The following BMP8A variants were observed in gnomAD, a reference collection of about 807,000 sequenced individuals.
BMP8A encodes the protein bone morphogenetic protein 8a.
A neutral mutation model predicts 36.8 loss-of-function variants in BMP8A; 14 were observed. That is an observed-to-expected ratio of 0.38 (90% confidence interval 0.25 to 0.60). The LOEUF (loss-of-function observed/expected upper bound fraction) is 0.60, where lower values mean the gene tolerates loss of function less well. Ranked by LOEUF, BMP8A falls within the 20% of genes least tolerant of loss-of-function variation. BMP8A has a pLI of 0.63. For missense variants in BMP8A, 267 were observed against 551.1 expected (o/e 0.48, Z 5.16); for synonymous variants, 120 against 237.7 (o/e 0.50, Z 4.55).
chr1:39,525,814 C>T lies in BMP8A; in HGVS notation c.*16C>T. On this transcript the variant is annotated 3_prime_UTR_variant, in exon 7 of 7. Transcript: ENST00000331593. ...CTGCCACTGAGTCAGCCCGCCCAGC[C>T]CTACTGCAGCCACCCTTCTCATCTG... 3 of 1,613,448 alleles carry T rather than the reference C, an allele frequency of 1.9e-6. No individual in the cohort carries two copies. Among genetic ancestry groups the T allele is most frequent in the East Asian group, 2.2e-5 (1 of 44,888 alleles).
In BMP8A at chr1:39,524,240, G is replaced by A. The variant is rs184127733; in HGVS notation, c.1059+1123G>A. ...GTGGGAGGTACATGGGAAGGTGACT[G>A]CACCTGCAGCTCCTGGACTCCATCT... is the stretch of plus-strand genomic sequence containing the variant. On this transcript the variant is annotated intron_variant, in intron 6 of 6. Transcript: ENST00000331593. This position sits in a 1 kb window ranked among gnomAD's most constrained non-coding sequence, Gnocchi z 4.0. Among the ~76,000 whole-genome samples the A allele has an allele frequency of 1.8e-3, 277 of 152,298 alleles. 2 individuals are homozygous for A. Among genetic ancestry groups the A allele is most frequent in the South Asian group, 6.0e-3 (29 of 4,820 alleles).
At chr1:39,492,366 G>A in intron 1 of BMP8A, 41 bp downstream of exon 1, 1 of 1,480,910 alleles carries the variant, frequency 6.8e-7, no homozygotes, top group South Asian at 1.3e-5. Context: ...GGAGTAAGCT[G>A]GCTGCAGGGG....
At chr1:39,502,160 C>A (rs1156895010) in intron 1 of BMP8A, among the ~76,000 whole-genome samples, 1 of 151,214 alleles carries the variant, frequency 6.6e-6, no homozygotes, top group Non-Finnish European at 1.5e-5. Flanking sequence ...ATCGCTTGAA[C>A]CCAGGCAGCA....
chr1:39,523,758 T>A, intron 6 of BMP8A: 1 of 1,232,002 alleles, frequency 8.1e-7, no homozygotes, highest in Non-Finnish European at 1.0e-6. Flanking sequence ...CTGAGTGCTC[T>A]GTGTGTTTGC....
intron 1 of BMP8A, among the ~76,000 whole-genome samples, chr1:39,498,388 C>A (rs1645223984): frequency 6.6e-6 from 1 of 152,354 alleles, no homozygotes; most frequent in South Asian, 2.1e-4. Context: ...GGAATTGTGT[C>A]TTTCTTGCTA....
At chr1:39,494,874 C>G (rs998335928) in intron 1 of BMP8A, among the ~76,000 whole-genome samples, 5 of 152,206 alleles carry the variant, frequency 3.3e-5, no homozygotes, top group Non-Finnish European at 7.3e-5. Context: ...GTGGGATTAA[C>G]AAGCAGATCG....
Position 39,523,077 on chromosome 1 carries a change from C to G in BMP8A, c.1019C>G (p.Ser340Cys), listed in dbSNP as rs1645445311. The change falls in exon 6 of 7, where the codon TCC (serine) becomes TGC (cysteine). Residue 340 changes from serine to cysteine, a missense_variant. Transcript: ENST00000331593. ...GGGGAGTGCTCCTTCCCGCTGGACT[C>G]CTGCATGAACGCCACCAACCACGCC... The part of the protein sequence containing the change: ...CEGECSFPLD[S>C]CMNATNHAIL... 1 of 1,614,008 alleles carries G rather than the reference C, an allele frequency of 6.2e-7. No individual in the cohort carries two copies. Among genetic ancestry groups the G allele is most frequent in the Non-Finnish European group, 8.5e-7 (1 of 1,179,966 alleles).
At chr1:39,499,942 A>G (rs1422125666) in intron 1 of BMP8A, among the ~76,000 whole-genome samples, 6 of 152,176 alleles carry the variant, frequency 3.9e-5, no homozygotes, top group Admixed American at 2.0e-4. Context: ...CTGTCACAAT[A>G]TTGGTTGGCA....
intron 6 of BMP8A, chr1:39,523,799 G>C (rs1275404301): frequency 3.3e-5 from 32 of 984,530 alleles, no homozygotes; most frequent in Non-Finnish European, 3.6e-5. Flanking sequence ...CCTTCTAGAA[G>C]TTTTTACCTA....
chr1:39,519,481 A>G (rs1645415176), intron 3 of BMP8A, among the ~76,000 whole-genome samples: 1 of 141,760 alleles, frequency 7.1e-6, no homozygotes, highest in Non-Finnish European at 1.6e-5. Context: ...TTCCCATGTT[A>G]GCATCTGCAG....
chr1:39,528,716 T>TTA lies in BMP8A; in HGVS notation c.*2918_*2919insTA, dbSNP rs1488336053. Among the ~76,000 whole-genome samples the TTA allele has an allele frequency of 1.4e-5, 2 of 146,236 alleles. No homozygotes were observed. The highest frequency in any genetic ancestry group is 2.5e-5 in the African/African-American group (1 of 40,210). On this transcript the variant is annotated 3_prime_UTR_variant, in exon 7 of 7. Transcript: ENST00000331593. The stretch of plus-strand genomic sequence containing the variant: ...CTGGCTGCCTTTTTTTTTTTTTTTT[T>TTA]AAAGACATACATGGTCTTGCTTTGT...
intron 1 of BMP8A, among the ~76,000 whole-genome samples, chr1:39,508,327 C>T (rs925079798): frequency 3.9e-5 from 6 of 152,120 alleles, no homozygotes; most frequent in Admixed American, 1.3e-4. Flanking sequence ...GAGTTTCAGA[C>T]GTGGTCTTCT....
intron 1 of BMP8A, among the ~76,000 whole-genome samples, chr1:39,505,962 G>T (rs1424397087): frequency 7.2e-6 from 1 of 138,064 alleles, no homozygotes; most frequent in African/African-American, 2.7e-5. Context: ...CTCCAGCCTG[G>T]GTGACAGAGC....
chr1:39,499,069 C>A (rs1457218752), intron 1 of BMP8A, among the ~76,000 whole-genome samples: 1 of 152,220 alleles, frequency 6.6e-6, no homozygotes, highest in Admixed American at 6.5e-5. Context: ...CTCCCATGTC[C>A]ACCCACATGG....
Position 39,528,717 on chromosome 1 carries a change from A to T in BMP8A, c.*2919A>T, listed in dbSNP as rs570819988. Among the ~76,000 whole-genome samples the T allele has an allele frequency of 0.11, 14,462 of 134,018 alleles. 824 individuals carry two copies. Among genetic ancestry groups the T allele is most frequent in the African/African-American group, 0.16 (6,111 of 38,632 alleles). 87.9% of individuals were successfully genotyped at this position (134,018 alleles called of 152,430 possible). A position where few individuals can be genotyped will look rare whatever the true frequency, so the allele number is the denominator to read the frequency against. ...TGGCTGCCTTTTTTTTTTTTTTTTT[A>T]AAGACATACATGGTCTTGCTTTGTC... On this transcript the variant is annotated 3_prime_UTR_variant, in exon 7 of 7. Coordinates refer to ENST00000331593, the MANE Select transcript of BMP8A (RefSeq NM_181809.4).
At position 39,491,970 on chromosome 1, in the gene BMP8A, C is replaced by G; in HGVS notation, c.-22C>G. 1 of 1,073,980 alleles carries G rather than the reference C, an allele frequency of 9.3e-7. No homozygotes were observed. The highest frequency in any genetic ancestry group is 1.1e-6 in the Non-Finnish European group (1 of 887,814). 66.5% of individuals were successfully genotyped at this position (1,073,980 alleles called of 1,614,324 possible). On this transcript the variant is annotated 5_prime_UTR_variant, in exon 1 of 7. Coordinates refer to ENST00000331593, the MANE Select transcript of BMP8A (RefSeq NM_181809.4). ...GGCGGCGGCGGAGCTGATGTGCGCC[C>G]GCTGAGCGCCCCCGGCCCGCCATGG...
At chr1:39,492,563 C>T (rs1225095086) in intron 1 of BMP8A, among the ~76,000 whole-genome samples, 1 of 152,200 alleles carries the variant, frequency 6.6e-6, no homozygotes. Flanking sequence ...GCTGCCTTCA[C>T]CCTGCCCCAG....
chr1:39,507,896 GAAAA>G (rs750292090), intron 1 of BMP8A, among the ~76,000 whole-genome samples: 56 of 152,328 alleles, frequency 3.7e-4, no homozygotes, highest in African/African-American at 8.7e-4. Context: ...TCAGGCAGGT[GAAAA>G]GGAGGCACCC....
In BMP8A at chr1:39,526,900, C is replaced by G. The variant is rs900625418; in HGVS notation, c.*1102C>G. On this transcript the variant is annotated 3_prime_UTR_variant, in exon 7 of 7. Transcript: ENST00000331593. ...CCCATGGCTCATGTCAGTAATCAAC[C>G]TACGTACCTTTCCCACTGAACCAGG... 2.6e-5 allele frequency among the ~76,000 whole-genome samples: 4 copies of G among 152,220 alleles called. No homozygotes were observed. Among genetic ancestry groups the G allele is most frequent in the Admixed American group, 2.0e-4 (3 of 15,280 alleles).
Sources: allele counts gnomAD v4.1 joint callset (sites outside exome capture counted in the v4.1 genomes callset), GRCh38; gene constraint gnomAD v4.1.1; non-coding constraint Gnocchi (gnomAD v3.1); transcripts MANE v1.5; gene names NCBI Gene and HGNC (gene_info 2026-07-23, HGNC 2026-07-21).